The following SEH1L variants were observed in gnomAD, a reference collection of about 807,000 sequenced individuals.
SEH1L encodes the protein SEH1 like nucleoporin, also known as nucleoporin SEH1.
A neutral mutation model predicts 49.5 loss-of-function variants in SEH1L; 18 were observed. The ratio of observed to expected loss-of-function variants is 0.36; its 90% CI spans 0.25 to 0.54. The LOEUF is 0.54. Among genes scored for constraint, SEH1L ranks in the 20% least tolerant of loss-of-function variants. SEH1L has a pLI of 0.87. For synonymous variants in SEH1L, 169 were observed against 178.1 expected, an observed-to-expected ratio of 0.95 and a Z score of 0.41; for missense variants, 404 against 528.8, an observed-to-expected ratio of 0.76 and a Z score of 2.31.
At chr18:12,964,341 T>C (rs2031334833) in intron 4 of SEH1L, 1 of 152,180 alleles carries the variant, frequency 6.6e-6, no homozygotes, top group East Asian at 1.9e-4. Flanking sequence ...TTTTAAAGGA[T>C]TTACTTATAC....
intron 6 of SEH1L, among the ~76,000 whole-genome samples, chr18:12,981,025 G>A (rs1164692876): frequency 6.6e-6 from 1 of 150,802 alleles, no homozygotes; most frequent in African/African-American, 2.4e-5. Context: ...CTTCTCAGAC[G>A]GTGTGGCTGC....
At chr18:12,981,103 A>T (rs2032231810) in intron 6 of SEH1L, among the ~76,000 whole-genome samples, 1 of 148,460 alleles carries the variant, frequency 6.7e-6, no homozygotes, top group Non-Finnish European at 1.5e-5. Context: ...CACTTCTCAG[A>T]CAGGGCGGCC....
intron 3 of SEH1L, among the ~76,000 whole-genome samples, chr18:12,958,206 C>T (rs2030996652): frequency 6.7e-6 from 1 of 149,078 alleles, no homozygotes; most frequent in African/African-American, 2.5e-5. Flanking sequence ...GCCTCAGTCT[C>T]CTGAGTAGCT....
At chr18:12,986,058 C>T in intron 8 of SEH1L, 1 of 982,430 alleles carries the variant, frequency 1.0e-6, no homozygotes, top group Non-Finnish European at 1.2e-6. Context: ...AAAATTTGGA[C>T]ACACACTATT....
At position 12,963,217 on chromosome 18, in the gene SEH1L, C is replaced by G; in HGVS notation, c.367C>G (p.Pro123Ala). Residue 123 changes from proline (P) to alanine (A), a missense_variant, in exon 4 of 9, where the codon CCC becomes GCC. Coordinates refer to ENST00000399892, the MANE Select transcript of SEH1L (RefSeq NM_001013437.2). Reference protein sequence around the residue: ...RTSVTDVKFAPKHMGLMLATC... With the variant: ...RTSVTDVKFAAKHMGLMLATC... The stretch of plus-strand genomic sequence containing the variant: ...ATCTGTTACTGATGTGAAGTTTGCT[C>G]CCAAGCACATGGGTCTTATGTTAGC... 6.2e-7 allele frequency: 1 copy of G among 1,613,978 alleles called. No individual in the cohort carries two copies. Among genetic ancestry groups the G allele is most frequent in the Non-Finnish European group, 8.5e-7 (1 of 1,179,966 alleles).
At chr18:12,969,763 A>C (rs1025695034) in intron 4 of SEH1L, among the ~76,000 whole-genome samples, 2 of 151,318 alleles carry the variant, frequency 1.3e-5, no homozygotes, top group African/African-American at 2.4e-5. Context: ...GTGGTGGTTC[A>C]CGCCTGTAAT....
At chr18:12,961,736 G>C (rs933049045) in intron 3 of SEH1L, among the ~76,000 whole-genome samples, 1 of 151,998 alleles carries the variant, frequency 6.6e-6, no homozygotes, top group African/African-American at 2.4e-5. Context: ...GCATGATCTC[G>C]GCTCAGTGCA....
At chr18:12,948,575 G>A (rs1012746950) in intron 1 of SEH1L, 18 of 200,472 alleles carry the variant, frequency 9.0e-5, no homozygotes, top group Non-Finnish European at 1.3e-4. Flanking sequence ...TCTTGCCCGC[G>A]CTGTTCACCC....
At chr18:12,951,746 T>G in intron 1 of SEH1L, 109 bp from the exon 2 acceptor site, 1 of 685,196 alleles carries the variant, frequency 1.5e-6, no homozygotes, top group Non-Finnish European at 2.6e-6. Context: ...TGTGTTCTTT[T>G]GTTAACTATA....
intron 3 of SEH1L, among the ~76,000 whole-genome samples, chr18:12,956,249 C>G (rs887295848): frequency 1.2e-4 from 19 of 152,026 alleles, no homozygotes; most frequent in African/African-American, 2.2e-4. Context: ...TTTCACTGTG[C>G]TAGCCAGGAT....
At chr18:12,980,699 AC>A (rs2032192107) in intron 6 of SEH1L, among the ~76,000 whole-genome samples, 5 of 28,154 alleles carry the variant, frequency 1.8e-4, no homozygotes, top group Admixed American at 4.0e-4. Context: ...GGGGGCTGAC[AC>A]CCCCCACTTC....
At chr18:12,981,497 C>G (rs545954016) in intron 6 of SEH1L, among the ~76,000 whole-genome samples, 3 of 152,370 alleles carry the variant, frequency 2.0e-5, no homozygotes, top group Admixed American at 2.0e-4. Context: ...CGGTTAGGAG[C>G]TGGAGACCAG....
At chr18:12,949,208 A>C (rs936648309) in intron 1 of SEH1L, among the ~76,000 whole-genome samples, 12 of 151,308 alleles carry the variant, frequency 7.9e-5, no homozygotes, top group African/African-American at 2.9e-4. Flanking sequence ...CATGAGATTT[A>C]GGAACCTCCC....
In SEH1L at chr18:12,985,977, T is replaced by G. The variant is rs977057146; in HGVS notation, c.1071-885T>G. ...TTTTAATTCATAGTCACTAAAGAGA[T>G]AAATGTTTCTTATATACATTTGTGT... On this transcript the variant is annotated intron_variant, in intron 8 of 8. Coordinates refer to ENST00000399892, the MANE Select transcript of SEH1L (RefSeq NM_001013437.2). 12 of 893,364 alleles carry G rather than the reference T, an allele frequency of 1.3e-5. No homozygotes were observed. The Admixed American group carries it at 1.9e-4, about 14-fold the overall frequency. 55.3% of individuals were successfully genotyped at this position (893,364 alleles called of 1,614,324 possible).
chr18:12,953,625 G>A (rs1293216124), intron 2 of SEH1L, among the ~76,000 whole-genome samples: 2 of 151,988 alleles, frequency 1.3e-5, no homozygotes, highest in African/African-American at 4.8e-5. Context: ...TACCATTCAT[G>A]TATCTTCTTT....
Position 12,970,273 on chromosome 18 carries a change from C to T in SEH1L, c.522-880C>T, listed in dbSNP as rs2031638827. 1.3e-5 allele frequency among the ~76,000 whole-genome samples: 2 copies of T among 152,204 alleles called. 1 individual carries two copies. The highest frequency in any genetic ancestry group is 4.1e-4 in the South Asian group (2 of 4,838). Reference sequence around the variant, plus strand: ...TTAAAAAGTCATTCAGCTTATAGTTCAGGAGAGCCATTCTTTCATTGCTCA... The same window carrying T: ...TTAAAAAGTCATTCAGCTTATAGTTTAGGAGAGCCATTCTTTCATTGCTCA... On this transcript the variant is annotated intron_variant, in intron 4 of 8. Transcript: ENST00000399892.
At chr18:12,973,369 A>C (rs536388665) in intron 5 of SEH1L, 40 of 150,994 alleles carry the variant, frequency 2.6e-4, no homozygotes, top group African/African-American at 8.5e-4. Flanking sequence ...ATGCAATCTC[A>C]GCTCACTGCA....
In SEH1L at chr18:12,955,584, A is replaced by C. The variant is rs2030804174; in HGVS notation, c.284A>C (p.Asp95Ala). The change falls in exon 3 of 9, where the codon GAT (aspartate) becomes GCT (alanine). Residue 95 changes from aspartate (D) to alanine (A), a missense_variant. Physicochemically the swap from Asp to Ala is moderately radical, Grantham distance 126 (BLOSUM62 -2). This residue lies in a region of SEH1L where 342 missense variants were observed against 430.8 expected (regional missense o/e 0.79). Transcript: ENST00000399892. ...VWEEIVGESN[D>A]KLRGQSHWVK... ...GAAGAAATAGTAGGAGAATCAAATG[A>C]TAAACTGCGAGGACAGAGCCACTGG... 3 of 1,614,004 alleles carry C rather than the reference A, an allele frequency of 1.9e-6. No individual in the cohort carries two copies. Among genetic ancestry groups the C allele is most frequent in the Non-Finnish European group, 2.5e-6 (3 of 1,180,022 alleles).
intron 5 of SEH1L, 138 bp from the exon 6 acceptor site, chr18:12,978,614 G>C: frequency 1.6e-6 from 1 of 625,552 alleles, no homozygotes; most frequent in South Asian, 2.1e-5. Flanking sequence ...ATATTCTTTT[G>C]GGGGCTGCTG....
Sources: gnomAD v4.1 joint callset for allele counts (sites outside exome capture counted in the v4.1 genomes callset) on GRCh38, gnomAD v4.1.1 for gene constraint, gnomAD v4.1.1 regional missense constraint, MANE v1.5 for transcripts, NCBI Gene and HGNC (gene_info 2026-07-23, HGNC 2026-07-21) for gene names.